The following CCSER1 variants were observed in gnomAD, a reference collection of about 807,000 sequenced individuals.
CCSER1 encodes coiled-coil serine rich protein 1.
CCSER1 carries 41 observed loss-of-function variants against 82.0 expected under a neutral mutation model. That is an observed-to-expected ratio of 0.50 (90% CI 0.39 to 0.65). The LOEUF (loss-of-function observed/expected upper bound fraction) is 0.65, where lower values mean the gene tolerates loss of function less well. Among genes scored for constraint, CCSER1 ranks in the 30% least tolerant of loss-of-function variants. CCSER1 has a pLI of 0.00. For missense variants in CCSER1, 1,119 were observed against 1,064.2 expected, an observed-to-expected ratio of 1.05 and a Z score of -0.72; for synonymous variants, 414 against 383.9, an observed-to-expected ratio of 1.08 and a Z score of -0.92.
chr4:90,137,243 G>A (rs1253191694), intron 1 of CCSER1, among the ~76,000 whole-genome samples: 2 of 152,134 alleles, frequency 1.3e-5, no homozygotes, highest in African/African-American at 4.8e-5. Flanking sequence ...TTGTACACAG[G>A]TATATAAACT....
intron 10 of CCSER1, among the ~76,000 whole-genome samples, chr4:91,386,397 G>GGATTA (rs1254047252): frequency 6.6e-6 from 1 of 151,974 alleles, no homozygotes; most frequent in African/African-American, 2.4e-5. Context: ...TTAAAGAGAT[G>GGATTA]GCAAATAGAT....
intron 7 of CCSER1, among the ~76,000 whole-genome samples, chr4:90,788,869 G>C (rs1754870804): frequency 6.6e-6 from 1 of 152,112 alleles, no homozygotes; most frequent in Admixed American, 6.5e-5. Flanking sequence ...TCTCTGCCTA[G>C]TTATGTACTG....
At chr4:91,028,969 T>TA (rs2036191914) in intron 9 of CCSER1, among the ~76,000 whole-genome samples, 1 of 152,036 alleles carries the variant, frequency 6.6e-6, no homozygotes, top group Admixed American at 6.6e-5. Context: ...TACTTTGAAC[T>TA]AAAATCTCCT....
chr4:90,241,041 G>T (rs895786056), intron 1 of CCSER1, among the ~76,000 whole-genome samples: 5 of 152,174 alleles, frequency 3.3e-5, no homozygotes, highest in African/African-American at 1.2e-4. Context: ...AAGCAAGTGA[G>T]GAAACTGTTT....
chr4:90,130,579 G>C (rs1317537754), intron 1 of CCSER1, among the ~76,000 whole-genome samples: 1 of 152,114 alleles, frequency 6.6e-6, no homozygotes, highest in African/African-American at 2.4e-5. Flanking sequence ...GCAGAGTGCA[G>C]GTTGAGTCTG....
chr4:90,251,876 T>C (rs2153441746), intron 1 of CCSER1, among the ~76,000 whole-genome samples: 1 of 152,004 alleles, frequency 6.6e-6, no homozygotes, highest in South Asian at 2.1e-4. Flanking sequence ...TCTTTTCTCA[T>C]TTTTCTTGCT....
intron 5 of CCSER1, among the ~76,000 whole-genome samples, chr4:90,627,429 A>G (rs28646877): frequency 0.3 from 45,903 of 151,584 alleles, 7,301 homozygotes; most frequent in African/African-American, 0.38. Context: ...TATATTATGT[A>G]AGAAAATAAT....
intron 10 of CCSER1, among the ~76,000 whole-genome samples, chr4:91,312,128 T>A (rs1184330902): frequency 1.3e-5 from 2 of 151,864 alleles, no homozygotes; most frequent in African/African-American, 2.4e-5. Context: ...AAATTTATAT[T>A]GTAGTGCATA....
At chr4:91,236,022 GT>G (rs1366005380) in intron 10 of CCSER1, among the ~76,000 whole-genome samples, 2 of 79,810 alleles carry the variant, frequency 2.5e-5, no homozygotes, top group African/African-American at 1.4e-4. Context: ...ATCAAAATGG[GT>G]TAAATTTTTT....
chr4:91,178,364 C>T (rs891243800), intron 10 of CCSER1, among the ~76,000 whole-genome samples: 3 of 151,010 alleles, frequency 2.0e-5, no homozygotes, highest in East Asian at 3.9e-4. Flanking sequence ...CCTGGATATC[C>T]TTGTTAACAT....
intron 5 of CCSER1, among the ~76,000 whole-genome samples, chr4:90,594,854 C>T (rs1034602356): frequency 2.0e-5 from 3 of 152,030 alleles, no homozygotes; most frequent in Non-Finnish European, 4.4e-5. Flanking sequence ...TACTAGCTAA[C>T]AACCACAACA....
intron 10 of CCSER1, among the ~76,000 whole-genome samples, chr4:91,403,822 A>T (rs1004313101): frequency 6.6e-6 from 1 of 152,128 alleles, no homozygotes; most frequent in Non-Finnish European, 1.5e-5. Flanking sequence ...GATTTTTTGC[A>T]TCGATGTTCA....
At position 91,363,155 on chromosome 4, in the gene CCSER1, G is replaced by C. The variant is rs1039169148; in HGVS notation, c.2218-235417G>C. 4.6e-5 allele frequency among the ~76,000 whole-genome samples: 7 copies of C among 151,302 alleles called. No homozygotes were observed. The South Asian group carries it at 1.5e-3, about 31-fold the overall frequency. On this transcript the variant is annotated intron_variant, in intron 10 of 10. Coordinates refer to ENST00000509176, the MANE Select transcript of CCSER1 (RefSeq NM_001145065.2). ...AAAAAACAAAAACAAAACAAACAAAGAAACAAAAAAACAGGGTAGATAAAA... is the reference window on the plus strand; with the variant it reads ...AAAAAACAAAAACAAAACAAACAAACAAACAAAAAAACAGGGTAGATAAAA...
intron 6 of CCSER1, among the ~76,000 whole-genome samples, chr4:90,702,553 G>A (rs542138565): frequency 6.6e-6 from 1 of 152,186 alleles, no homozygotes; most frequent in South Asian, 2.1e-4. Flanking sequence ...AATGGTACCA[G>A]CTCCTCCTTG....
intron 3 of CCSER1, among the ~76,000 whole-genome samples, chr4:90,339,855 G>A (rs1026672528): frequency 1.1e-4 from 17 of 151,500 alleles, no homozygotes; most frequent in African/African-American, 3.9e-4. Context: ...TTTAATGTGA[G>A]GCTCACCCAA....
chr4:90,312,817 A>G, intron 2 of CCSER1, 46 bp from the exon 3 acceptor site: 1 of 1,371,640 alleles, frequency 7.3e-7, no homozygotes, highest in Admixed American at 2.3e-5. Flanking sequence ...TGTAAAAACT[A>G]CATTTAAATA....
chr4:90,988,597 T>C (rs1736777171), intron 9 of CCSER1, among the ~76,000 whole-genome samples: 1 of 151,734 alleles, frequency 6.6e-6, no homozygotes, highest in Non-Finnish European at 1.5e-5. Flanking sequence ...CTAAAATTTA[T>C]GTGTCTGTGT....
intron 5 of CCSER1, among the ~76,000 whole-genome samples, chr4:90,603,667 C>T (rs544819675): frequency 1.0e-3 from 155 of 152,306 alleles, no homozygotes; most frequent in African/African-American, 3.6e-3. Flanking sequence ...CCTTTTGGCA[C>T]ATGTGGGAGG....
intron 6 of CCSER1, among the ~76,000 whole-genome samples, chr4:90,712,947 C>T: frequency 6.8e-6 from 1 of 147,690 alleles, no homozygotes; most frequent in Non-Finnish European, 1.5e-5. Flanking sequence ...TCTGTTTTGT[C>T]AGATAGTAGG....
Sources: allele counts gnomAD v4.1 joint callset (sites outside exome capture counted in the v4.1 genomes callset), GRCh38; gene constraint gnomAD v4.1.1; transcripts MANE v1.5; gene names NCBI Gene and HGNC (gene_info 2026-07-23, HGNC 2026-07-21).